Variants in PRKG1 observed in about 807,000 individuals in gnomAD.
PRKG1 encodes the protein cGMP-dependent protein kinase 1.
Under a neutral mutation model 88.1 loss-of-function variants are expected in PRKG1, and 35 were observed. That is an observed-to-expected ratio of 0.40 (90% CI 0.30 to 0.53). The LOEUF is 0.53. PRKG1 is among the 20% of genes least tolerant of loss of function. The probability of loss-of-function intolerance (pLI) is 0.59; values close to 1 mark genes in which losing one functional copy is unlikely to be tolerated. For synonymous variants in PRKG1, 303 were observed against 292.5 expected (o/e 1.04, Z -0.37); for missense variants, 540 against 839.8 (o/e 0.64, Z 4.41).
At chr10:51,112,647 A>G (rs1845005313) in intron 1 of PRKG1, among the ~76,000 whole-genome samples, 1 of 152,184 alleles carries the variant, frequency 6.6e-6, no homozygotes, top group Non-Finnish European at 1.5e-5. Context: ...TGATGATTAA[A>G]GTACCAGACT....
At chr10:51,512,490 C>T in intron 3 of PRKG1, among the ~76,000 whole-genome samples, 1 of 131,482 alleles carries the variant, frequency 7.6e-6, no homozygotes, top group South Asian at 2.8e-4. Context: ...TGATGGTTTC[C>T]AATTTCATCC....
chr10:52,006,621 T>C (rs1365463654), intron 5 of PRKG1, among the ~76,000 whole-genome samples: 1 of 151,952 alleles, frequency 6.6e-6, no homozygotes, highest in Non-Finnish European at 1.5e-5. Flanking sequence ...CCAAGAAATA[T>C]GGGATTACAT....
chr10:51,833,747 T>C (rs1288579461), intron 4 of PRKG1, among the ~76,000 whole-genome samples: 1 of 152,160 alleles, frequency 6.6e-6, no homozygotes, highest in African/African-American at 2.4e-5. Flanking sequence ...TATAATACAT[T>C]ATTATTAATT....
intron 2 of PRKG1, among the ~76,000 whole-genome samples, chr10:51,445,531 TAAC>T (rs943253236): frequency 3.3e-5 from 5 of 151,870 alleles, no homozygotes; most frequent in South Asian, 2.1e-4. Flanking sequence ...AGGTTAAATA[TAAC>T]AACAACAACA....
intron 3 of PRKG1, among the ~76,000 whole-genome samples, chr10:51,712,580 CTTTTTTTTTTT>C (rs60053336): frequency 9.4e-5 from 9 of 96,028 alleles, no homozygotes; most frequent in African/African-American, 2.9e-4. Flanking sequence ...AATATTATTC[CTTTTTTTTTTT>C]TTTTTTTTTT....
chr10:51,605,772 G>A (rs990226872), intron 3 of PRKG1, among the ~76,000 whole-genome samples: 4 of 152,112 alleles, frequency 2.6e-5, no homozygotes, highest in African/African-American at 4.8e-5. Context: ...ATAAAAAAGC[G>A]GGGAAACAAT....
intron 2 of PRKG1, among the ~76,000 whole-genome samples, chr10:51,297,496 G>C (rs1840750968): frequency 6.6e-6 from 1 of 152,008 alleles, no homozygotes; most frequent in South Asian, 2.1e-4. Context: ...CTTAAATTAG[G>C]ATTGAGAGGA....
At position 52,117,949 on chromosome 10, in the gene PRKG1, G is replaced by A. The variant is rs1023708035; in HGVS notation, c.936-15891G>A. 2.6e-5 allele frequency among the ~76,000 whole-genome samples: 4 copies of A among 151,322 alleles called. No individual in the cohort carries two copies. The South Asian group carries it at 8.3e-4, about 31-fold the overall frequency. Reference sequence around the variant, plus strand: ...TTTTAAAATATTTCCTTTTATTATTGTACAAAAAATGTATTTTAATCAATA... The same window carrying A: ...TTTTAAAATATTTCCTTTTATTATTATACAAAAAATGTATTTTAATCAATA... On this transcript the variant is annotated intron_variant, in intron 7 of 17. Transcript: ENST00000373980.
At chr10:51,526,213 C>T (rs1258428783) in intron 3 of PRKG1, among the ~76,000 whole-genome samples, 1 of 151,916 alleles carries the variant, frequency 6.6e-6, no homozygotes, top group African/African-American at 2.4e-5. Flanking sequence ...GATTCAGTAC[C>T]AAGAAAAGAA....
At chr10:51,106,824 TTCA>T in intron 1 of PRKG1, among the ~76,000 whole-genome samples, 1 of 152,336 alleles carries the variant, frequency 6.6e-6, no homozygotes, top group East Asian at 1.9e-4. Flanking sequence ...CATTCATTCA[TTCA>T]TCAAGTGTTT....
intron 2 of PRKG1, among the ~76,000 whole-genome samples, chr10:51,186,407 TTTC>T (rs1372731682): frequency 3.3e-5 from 5 of 152,194 alleles, no homozygotes; most frequent in Admixed American, 3.3e-4. Context: ...CTTCCATTTT[TTTC>T]TTCATTTCTT....
At chr10:52,069,651 G>T (rs940745891) in intron 7 of PRKG1, among the ~76,000 whole-genome samples, 1 of 152,106 alleles carries the variant, frequency 6.6e-6, no homozygotes, top group Non-Finnish European at 1.5e-5. Context: ...GAAGTAAAAT[G>T]TTATGAAAAC....
intron 4 of PRKG1, among the ~76,000 whole-genome samples, chr10:51,805,837 G>T (rs1029243033): frequency 8.5e-5 from 13 of 152,056 alleles, no homozygotes; most frequent in Non-Finnish European, 1.5e-5. Context: ...CAATTCTAAT[G>T]TGATATCAAG....
At chr10:51,981,394 G>A (rs963736065) in intron 5 of PRKG1, among the ~76,000 whole-genome samples, 2 of 152,064 alleles carry the variant, frequency 1.3e-5, no homozygotes, top group African/African-American at 4.8e-5. Context: ...AAGACCAGCT[G>A]GCCAACATGG....
chr10:51,672,151 T>A lies in PRKG1; in HGVS notation c.593-132434T>A, dbSNP rs150892062. Among the ~76,000 whole-genome samples, 476 of 152,260 alleles carry A rather than the reference T, an allele frequency of 3.1e-3. 1 individual carries two copies. Among genetic ancestry groups the A allele is most frequent in the African/African-American group, 0.011 (457 of 41,584 alleles). On this transcript the variant is annotated intron_variant, in intron 3 of 17. Coordinates refer to ENST00000373980, the MANE Select transcript of PRKG1 (RefSeq NM_006258.4). ...TTTTTTTACCTATTTCTTATCAATT[T>A]AGAAGCTCTTAGCCTTTAGCTATTT...
intron 3 of PRKG1, among the ~76,000 whole-genome samples, chr10:51,742,503 TTAGTGAC>T (rs1226831555): frequency 6.6e-6 from 1 of 152,080 alleles, no homozygotes; most frequent in Admixed American, 6.6e-5. Context: ...ATCAATAAGT[TTAGTGAC>T]TAGTTGGATG....
chr10:51,874,251 G>T (rs1841234717), intron 4 of PRKG1, among the ~76,000 whole-genome samples: 1 of 152,192 alleles, frequency 6.6e-6, no homozygotes, highest in Non-Finnish European at 1.5e-5. Context: ...GTGTGCTTAT[G>T]AAATAACATA....
intron 10 of PRKG1, among the ~76,000 whole-genome samples, chr10:52,269,095 C>A (rs1448446046): frequency 6.6e-6 from 1 of 151,868 alleles, no homozygotes; most frequent in African/African-American, 2.4e-5. Context: ...TCTGTGTTAT[C>A]ATCACTAAAG....
At chr10:52,203,359 T>C (rs1275963535) in intron 9 of PRKG1, among the ~76,000 whole-genome samples, 1 of 152,256 alleles carries the variant, frequency 6.6e-6, no homozygotes, top group Non-Finnish European at 1.5e-5. Flanking sequence ...TCTATTTTTA[T>C]TGCATTATGG....
Sources: gnomAD v4.1 joint callset for allele counts (sites outside exome capture counted in the v4.1 genomes callset) on GRCh38, gnomAD v4.1.1 for gene constraint, MANE v1.5 for transcripts, NCBI Gene and HGNC (gene_info 2026-07-23, HGNC 2026-07-21) for gene names.